The following PLEKHA5 variants were observed in gnomAD, a reference collection of about 807,000 sequenced individuals.
PLEKHA5 encodes the protein pleckstrin homology domain-containing family A member 5.
In PLEKHA5, 55 loss-of-function variants were observed where a neutral mutation model predicts 181.9. That is an observed-to-expected ratio of 0.30 (90% CI 0.24 to 0.38). The LOEUF (loss-of-function observed/expected upper bound fraction) is 0.38, where lower values mean the gene tolerates loss of function less well. Ranked by LOEUF, PLEKHA5 falls within the 10% of genes least tolerant of loss-of-function variation. The pLI, the probability that PLEKHA5 is intolerant of heterozygous loss-of-function variation, is 1.00. For missense variants in PLEKHA5, 1,432 were observed against 1,549.5 expected (o/e 0.92, Z 1.27); for synonymous variants, 535 against 529.4 (o/e 1.01, Z -0.15).
At chr12:19,160,286 TTCA>T (rs1234252115) in intron 3 of PLEKHA5, among the ~76,000 whole-genome samples, 2 of 152,012 alleles carry the variant, frequency 1.3e-5, no homozygotes, top group South Asian at 2.1e-4. Context: ...TATCATTTTC[TTCA>T]TCATCATCAT....
At chr12:19,137,682 CT>C (rs1420480367) in intron 3 of PLEKHA5, among the ~76,000 whole-genome samples, 8 of 152,172 alleles carry the variant, frequency 5.3e-5, no homozygotes, top group Non-Finnish European at 1.2e-4. Flanking sequence ...GTTGTTGTCT[CT>C]TTCGTTTTCA....
intron 3 of PLEKHA5, among the ~76,000 whole-genome samples, chr12:19,218,959 AT>A (rs2058496619): frequency 8.0e-6 from 1 of 124,968 alleles, no homozygotes; most frequent in East Asian, 2.2e-4. Flanking sequence ...TTTTTTTATT[AT>A]ACTCTAAGTT....
intron 3 of PLEKHA5, among the ~76,000 whole-genome samples, chr12:19,178,904 A>G (rs918358799): frequency 3.3e-5 from 5 of 152,216 alleles, no homozygotes; most frequent in African/African-American, 4.8e-5. Context: ...GCTGTTGGAT[A>G]TATCAGTCTA....
At position 19,130,063 on chromosome 12, in the gene PLEKHA5, G is replaced by T; in HGVS notation, c.102G>T (p.Lys34Asn). The change falls in exon 2 of 32, where the codon AAG (lysine) becomes AAT (asparagine). Residue 34 changes from lysine (K) to asparagine (N), a missense_variant. By Grantham distance (94) the Lys-to-Asn change is moderately conservative. This residue lies in a region of PLEKHA5 where 289 missense variants were observed against 381.1 expected (regional missense o/e 0.76). Coordinates refer to ENST00000429027, the MANE Select transcript of PLEKHA5 (RefSeq NM_001256470.2). This position sits in a 1 kb window ranked among gnomAD's most constrained non-coding sequence, Gnocchi z 4.5. Reference sequence around the variant, plus strand: ...CTCACCCCTGCAGCGAGGAGGCCAAGAGCACCACCTGGCTGCACCCCGTCA... The same window carrying T: ...CTCACCCCTGCAGCGAGGAGGCCAATAGCACCACCTGGCTGCACCCCGTCA... ...GRVFFINEEA[K>N]STTWLHPVTG... 1 of 1,590,792 alleles carries T rather than the reference G, an allele frequency of 6.3e-7. No individual in the cohort carries two copies. Among genetic ancestry groups the T allele is most frequent in the Non-Finnish European group, 8.5e-7 (1 of 1,170,060 alleles).
chr12:19,137,999 C>T (rs1185165914), intron 3 of PLEKHA5, among the ~76,000 whole-genome samples: 1 of 152,140 alleles, frequency 6.6e-6, no homozygotes, highest in Non-Finnish European at 1.5e-5. Context: ...TAGACCCCTT[C>T]GTTTCTTCTT....
intron 11 of PLEKHA5, among the ~76,000 whole-genome samples, chr12:19,280,750 A>G (rs1218632235): frequency 1.4e-5 from 2 of 142,370 alleles, no homozygotes; most frequent in African/African-American, 5.5e-5. Context: ...TTTTTTTTTG[A>G]GACAGAGTGT....
At chr12:19,262,428 G>A (rs973023707) in intron 7 of PLEKHA5, among the ~76,000 whole-genome samples, 49 of 152,000 alleles carry the variant, frequency 3.2e-4, no homozygotes, top group African/African-American at 1.1e-3. Context: ...TAGTAGAGAC[G>A]GGGTTTCACC....
At chr12:19,144,673 T>C (rs948894573) in intron 3 of PLEKHA5, among the ~76,000 whole-genome samples, 1 of 152,184 alleles carries the variant, frequency 6.6e-6, no homozygotes, top group African/African-American at 2.4e-5. Context: ...TTTGAAGCAA[T>C]GTATTCAAAA....
chr12:19,246,770 G>T (rs1287439679), intron 3 of PLEKHA5, among the ~76,000 whole-genome samples: 1 of 152,020 alleles, frequency 6.6e-6, no homozygotes, highest in African/African-American at 2.4e-5. Flanking sequence ...GCATGGTTTT[G>T]GTCTTATTGG....
chr12:19,294,990 A>G (rs1453211310), intron 15 of PLEKHA5, among the ~76,000 whole-genome samples: 2 of 152,198 alleles, frequency 1.3e-5, no homozygotes, highest in African/African-American at 4.8e-5. Flanking sequence ...TAAGTACACT[A>G]TTACAGTTTG....
intron 3 of PLEKHA5, among the ~76,000 whole-genome samples, chr12:19,246,811 T>G (rs150236784): frequency 6.6e-6 from 1 of 152,274 alleles, no homozygotes; most frequent in Middle Eastern, 3.4e-3. Flanking sequence ...AAATTTCTTT[T>G]GTCAGTTAGT....
chr12:19,206,268 T>C (rs1408104044), intron 3 of PLEKHA5, among the ~76,000 whole-genome samples: 3 of 152,112 alleles, frequency 2.0e-5, no homozygotes, highest in Non-Finnish European at 2.9e-5. Flanking sequence ...GTTTTCTCCA[T>C]ATTATGCTCT....
intron 3 of PLEKHA5, among the ~76,000 whole-genome samples, chr12:19,230,448 C>A (rs2060346640): frequency 6.6e-6 from 1 of 152,144 alleles, no homozygotes. Context: ...GTGCAGGAAC[C>A]CATGGCGGAG....
intron 29 of PLEKHA5, among the ~76,000 whole-genome samples, chr12:19,364,092 AATTC>A (rs2095347124): frequency 6.6e-6 from 1 of 152,228 alleles, no homozygotes; most frequent in Non-Finnish European, 1.5e-5. Flanking sequence ...ATCAACTTTT[AATTC>A]CAAAACTTGG....
chr12:19,140,915 A>G (rs1034050923), intron 3 of PLEKHA5, among the ~76,000 whole-genome samples: 5 of 152,072 alleles, frequency 3.3e-5, no homozygotes, highest in Admixed American at 6.6e-5. Context: ...CAGCCTCCTG[A>G]GTAGCTGGGA....
At chr12:19,236,073 A>G (rs1303931126) in intron 3 of PLEKHA5, among the ~76,000 whole-genome samples, 1 of 152,230 alleles carries the variant, frequency 6.6e-6, no homozygotes, top group Non-Finnish European at 1.5e-5. Flanking sequence ...AATTGCTGAC[A>G]TGGAAACCTG....
chr12:19,270,120 C>A, intron 9 of PLEKHA5, 68 bp from the exon 10 acceptor site: 4 of 920,820 alleles, frequency 4.3e-6, no homozygotes, highest in Non-Finnish European at 6.3e-6. Context: ...TATTCATTTT[C>A]ACCTATCGGT....
intron 31 of PLEKHA5, 33 bp from the exon 32 acceptor site, chr12:19,375,498 T>A (rs2095694904): frequency 6.6e-6 from 1 of 152,512 alleles, no homozygotes; most frequent in South Asian, 2.1e-4. Context: ...ACGTTGCAGG[T>A]GTCAAAGTAA....
intron 3 of PLEKHA5, among the ~76,000 whole-genome samples, chr12:19,173,047 C>T (rs1223146380): frequency 3.4e-5 from 3 of 88,432 alleles, no homozygotes; most frequent in South Asian, 4.5e-4. Flanking sequence ...GACGGAGTCT[C>T]GCTCTGTCGC....
Sources: gnomAD v4.1 joint callset for allele counts (sites outside exome capture counted in the v4.1 genomes callset) on GRCh38, gnomAD v4.1.1 for gene constraint, gnomAD v4.1.1 regional missense constraint, Gnocchi (gnomAD v3.1) non-coding constraint, MANE v1.5 for transcripts, NCBI Gene and HGNC (gene_info 2026-07-23, HGNC 2026-07-21) for gene names.